RNF144A: variants seen among roughly 807,000 people sequenced by gnomAD.
The protein encoded by RNF144A is E3 ubiquitin-protein ligase RNF144A.
A neutral mutation model predicts 38.7 loss-of-function variants in RNF144A; 11 were observed. The ratio of observed to expected loss-of-function variants is 0.28; its 90% CI spans 0.18 to 0.47. The LOEUF is 0.47. Among genes scored for constraint, RNF144A ranks in the 20% least tolerant of loss-of-function variants. The probability of loss-of-function intolerance (pLI) is 0.99; values close to 1 mark genes in which losing one functional copy is unlikely to be tolerated. For synonymous variants in RNF144A, 149 were observed against 143.9 expected, an observed-to-expected ratio of 1.04 and a Z score of -0.25; for missense variants, 316 against 377.2, an observed-to-expected ratio of 0.84 and a Z score of 1.34.
chr2:6,967,422 G>A (rs750804014), intron 2 of RNF144A, among the ~76,000 whole-genome samples: 4 of 152,208 alleles, frequency 2.6e-5, no homozygotes, highest in Non-Finnish European at 5.9e-5. Context: ...CCGGCCCAGG[G>A]TCTTGTTAGT....
chr2:6,996,945 C>A lies in RNF144A; in HGVS notation c.19C>A (p.Arg7=). The change falls in exon 3 of 9, where the codon CGG becomes AGG. Residue 7 remains arginine, a synonymous_variant. Coordinates refer to ENST00000320892, the MANE Select transcript of RNF144A (RefSeq NM_014746.6). The part of the protein sequence containing the change: MTTTRY[R]PTWDLALDPL... ...TTCTGCGATGACCACAACAAGGTAC[C>A]GGCCCACCTGGGACCTGGCCCTCGA... 6.2e-7 allele frequency: 1 copy of A among 1,613,850 alleles called. No homozygotes were observed. Among genetic ancestry groups the A allele is most frequent in the Non-Finnish European group, 8.5e-7 (1 of 1,179,890 alleles).
chr2:6,939,326 A>G (rs1338755109), intron 1 of RNF144A, among the ~76,000 whole-genome samples: 1 of 152,104 alleles, frequency 6.6e-6, no homozygotes, highest in Non-Finnish European at 1.5e-5. Context: ...GCATTTCCCT[A>G]ATTGGTTAGT....
chr2:6,960,356 G>A (rs960271060), intron 2 of RNF144A, among the ~76,000 whole-genome samples: 1 of 152,184 alleles, frequency 6.6e-6, no homozygotes, highest in Admixed American at 6.5e-5. Flanking sequence ...AATGAGCCCA[G>A]CTGAAGGTGG....
intron 2 of RNF144A, among the ~76,000 whole-genome samples, chr2:6,974,266 C>T (rs1157812225): frequency 6.6e-6 from 1 of 152,144 alleles, no homozygotes; most frequent in Non-Finnish European, 1.5e-5. Context: ...ACCATCGTGC[C>T]ACATGCATTC....
the RNF144A span, among the ~76,000 whole-genome samples, chr2:7,075,274 T>C: frequency 1.5e-4 from 23 of 148,450 alleles, no homozygotes; most frequent in African/African-American, 5.0e-4. Context: ...GGCTATCAGC[T>C]GGAACATCCC....
intron 2 of RNF144A, among the ~76,000 whole-genome samples, chr2:6,972,052 C>A (rs545011971): frequency 2.6e-5 from 4 of 152,074 alleles, no homozygotes; most frequent in African/African-American, 7.2e-5. Flanking sequence ...CTGTCTCCCC[C>A]CAGGGTTCCG....
chr2:7,022,988 G>C (rs1005779549), intron 6 of RNF144A, among the ~76,000 whole-genome samples: 23 of 152,142 alleles, frequency 1.5e-4, no homozygotes, highest in Admixed American at 1.5e-3. Context: ...TGAGTGCCTG[G>C]TACTTATGTG....
rs370729285 is a variant in RNF144A at position 7,067,530 on chromosome 2, G to A, written c.735-686G>A. Among the ~76,000 whole-genome samples the A allele has an allele frequency of 8.9e-4, 135 of 152,128 alleles. 1 individual carries two copies. The highest frequency in any genetic ancestry group is 2.4e-3 in the African/African-American group (100 of 41,502). ...CTCTGGGCTCAGAAACTGAGTTTCC[G>A]ACTATTAAAAAAATCCCCTCATTAA... On this transcript the variant is annotated intron_variant, in intron 6 of 6. Transcript: ENST00000432850.
chr2:6,920,981 A>G (rs896302069), intron 1 of RNF144A, among the ~76,000 whole-genome samples: 2 of 152,254 alleles, frequency 1.3e-5, no homozygotes, highest in African/African-American at 4.8e-5. Context: ...TCCAAGATCC[A>G]GAAATAAAAA....
chr2:7,008,429 C>A (rs10170175), intron 3 of RNF144A, among the ~76,000 whole-genome samples: 1,557 of 152,310 alleles, frequency 0.01, 14 homozygotes, highest in Non-Finnish European at 0.013. Context: ...GATTAAGAAC[C>A]GCAGGCCTGA....
At chr2:7,050,452 G>A (rs978706825) in intron 6 of RNF144A, among the ~76,000 whole-genome samples, 7 of 152,126 alleles carry the variant, frequency 4.6e-5, no homozygotes, top group Non-Finnish European at 1.0e-4. Context: ...TCAGCCTTGG[G>A]TATGTCTTTA....
Position 7,040,224 on chromosome 2 carries a change from G to A in RNF144A, c.*464G>A, listed in dbSNP as rs927588918. On this transcript the variant is annotated 3_prime_UTR_variant, in exon 9 of 9. Transcript: ENST00000320892. Reference sequence around the variant, plus strand: ...ATGACAACTGTTTTTATTACTAATGGCATTTAGTAAAATCCTTTTTAGAAG... The same window carrying A: ...ATGACAACTGTTTTTATTACTAATGACATTTAGTAAAATCCTTTTTAGAAG... The A allele has an allele frequency of 1.7e-5, 17 of 985,978 alleles. No homozygotes were observed. Among genetic ancestry groups the A allele is most frequent in the Non-Finnish European group, 2.0e-5 (17 of 830,462 alleles). The allele number at this position is 985,978 out of a possible 1,614,324, so 61.1% of individuals were successfully genotyped here.
In RNF144A at chr2:7,041,027, G is replaced by A; in HGVS notation, c.*1267G>A. 3 of 985,430 alleles carry A rather than the reference G, an allele frequency of 3.0e-6. No individual in the cohort carries two copies. Among genetic ancestry groups the A allele is most frequent in the Non-Finnish European group, 3.6e-6 (3 of 829,908 alleles). 61.0% of individuals were successfully genotyped at this position (985,430 alleles called of 1,614,324 possible). A position where few individuals can be genotyped will look rare whatever the true frequency, so the allele number is the denominator to read the frequency against. On this transcript the variant is annotated 3_prime_UTR_variant, in exon 9 of 9. Coordinates refer to ENST00000320892, the MANE Select transcript of RNF144A (RefSeq NM_014746.6). ...TTATTCCACCAATTGACTTTGAAAAGTGGAGAAAGTGTATTCTTTAAAGAG... is the reference window on the plus strand; with the variant it reads ...TTATTCCACCAATTGACTTTGAAAAATGGAGAAAGTGTATTCTTTAAAGAG...
At chr2:6,979,918 C>G (rs933298753) in intron 2 of RNF144A, among the ~76,000 whole-genome samples, 1 of 152,122 alleles carries the variant, frequency 6.6e-6, no homozygotes, top group African/African-American at 2.4e-5. Flanking sequence ...TTCTGCATGG[C>G]TGGGGAGGCC....
At chr2:7,024,058 C>T (rs1055000015) in intron 6 of RNF144A, among the ~76,000 whole-genome samples, 2 of 152,138 alleles carry the variant, frequency 1.3e-5, no homozygotes, top group East Asian at 1.9e-4. Flanking sequence ...CAGATACCTC[C>T]GTTATAATAA....
intron 1 of RNF144A, among the ~76,000 whole-genome samples, chr2:6,930,154 A>G (rs1665112618): frequency 6.6e-6 from 1 of 152,250 alleles, no homozygotes; most frequent in Non-Finnish European, 1.5e-5. Flanking sequence ...TTAAAGAATA[A>G]TAGCCCCAAA....
intron 2 of RNF144A, among the ~76,000 whole-genome samples, chr2:6,989,234 A>G (rs895198059): frequency 3.3e-5 from 5 of 152,238 alleles, no homozygotes; most frequent in Admixed American, 6.5e-5. Flanking sequence ...ACCTGAATCT[A>G]TATTAGGCTA....
chr2:7,054,170 A>G (rs984849018), intron 6 of RNF144A, among the ~76,000 whole-genome samples: 14 of 130,676 alleles, frequency 1.1e-4, no homozygotes, highest in African/African-American at 3.5e-4. Flanking sequence ...GACAAGGCAG[A>G]CAGTGTGAGA....
At chr2:7,014,653 G>A in intron 4 of RNF144A, 59 bp from the exon 5 acceptor site, 2 of 1,544,012 alleles carry the variant, frequency 1.3e-6, no homozygotes, top group Non-Finnish European at 1.8e-6. Flanking sequence ...GGTGTGCGTT[G>A]CATTATATTC....
Sources: gnomAD v4.1 joint callset for allele counts (sites outside exome capture counted in the v4.1 genomes callset) on GRCh38, gnomAD v4.1.1 for gene constraint, MANE v1.5 for transcripts, NCBI Gene and HGNC (gene_info 2026-07-23, HGNC 2026-07-21) for gene names.